Variants in ITK observed in about 807,000 individuals in gnomAD.
ITK encodes IL2 inducible T cell kinase, also known as tyrosine-protein kinase ITK/TSK.
ITK carries 45 observed loss-of-function variants against 87.6 expected under a neutral mutation model. That is an observed-to-expected ratio of 0.51 (90% CI 0.40 to 0.66). ITK has a LOEUF of 0.66. Among genes scored for constraint, ITK ranks in the 30% least tolerant of loss-of-function variants. ITK has a pLI of 0.00. For synonymous variants in ITK, 303 were observed against 273.6 expected (o/e 1.11, Z -1.06); for missense variants, 605 against 766.3 (o/e 0.79, Z 2.48).
At chr5:157,203,222 C>T (rs1346194087) in intron 1 of ITK, among the ~76,000 whole-genome samples, 1 of 152,222 alleles carries the variant, frequency 6.6e-6, no homozygotes, top group African/African-American at 2.4e-5. Flanking sequence ...GAGAGTCTAT[C>T]ATGTTCATCA....
intron 1 of ITK, among the ~76,000 whole-genome samples, chr5:157,186,985 C>A (rs1753658983): frequency 6.6e-6 from 1 of 152,336 alleles, no homozygotes; most frequent in African/African-American, 2.4e-5. Context: ...CGATGGACAC[C>A]AGCAGAATCT....
intron 7 of ITK, among the ~76,000 whole-genome samples, chr5:157,228,641 T>C (rs1754585593): frequency 6.8e-6 from 1 of 147,238 alleles, no homozygotes. Context: ...TTTTCTTCTT[T>C]AATTTTTTTT....
At chr5:157,221,411 A>G (rs747041523) in intron 5 of ITK, among the ~76,000 whole-genome samples, 13 of 152,210 alleles carry the variant, frequency 8.5e-5, no homozygotes, top group Non-Finnish European at 8.8e-5. Context: ...ATCTAGGCTC[A>G]GGATGTTCTT....
intron 1 of ITK, chr5:157,195,402 C>T (rs566200857): frequency 1.3e-5 from 2 of 152,306 alleles, no homozygotes; most frequent in Admixed American, 6.5e-5. Flanking sequence ...TTAATAGTCA[C>T]TTTTGTTTGG....
intron 6 of ITK, among the ~76,000 whole-genome samples, chr5:157,223,792 G>T (rs1054150651): frequency 6.6e-6 from 1 of 152,060 alleles, no homozygotes; most frequent in South Asian, 2.1e-4. Flanking sequence ...ACACTGCAAC[G>T]AACATCTTTG....
intron 12 of ITK, 104 bp downstream of exon 12, chr5:157,243,898 A>T (rs1052794493): frequency 2.5e-5 from 27 of 1,088,502 alleles, no homozygotes; most frequent in Non-Finnish European, 3.8e-5. Context: ...CCCTGCGCAA[A>T]CTCCCAGCAG....
chr5:157,202,800 A>T (rs534583587), intron 1 of ITK, among the ~76,000 whole-genome samples: 1 of 152,312 alleles, frequency 6.6e-6, no homozygotes, highest in South Asian at 2.1e-4. Flanking sequence ...GCATTTTTGA[A>T]TGTGCCTACT....
At chr5:157,252,227 T>C (rs143456403) in intron 16 of ITK, among the ~76,000 whole-genome samples, 6 of 152,350 alleles carry the variant, frequency 3.9e-5, no homozygotes, top group Middle Eastern at 6.8e-3. Context: ...TATACCCAGA[T>C]ATTTCATTTT....
At chr5:157,213,594 C>A (rs1444860686) in intron 3 of ITK, 1 of 453,632 alleles carries the variant, frequency 2.2e-6, no homozygotes, top group Non-Finnish European at 4.4e-6. Context: ...GTTGCCTAGG[C>A]TAATCTAGAA....
intron 8 of ITK, among the ~76,000 whole-genome samples, chr5:157,232,695 G>A (rs143298183): frequency 1.3e-5 from 2 of 152,356 alleles, no homozygotes; most frequent in East Asian, 3.9e-4. Flanking sequence ...GCAGTGGGTT[G>A]ACATGTTGGA....
intron 5 of ITK, among the ~76,000 whole-genome samples, chr5:157,221,637 A>T (rs1009861212): frequency 1.3e-5 from 2 of 152,192 alleles, no homozygotes; most frequent in African/African-American, 4.8e-5. Context: ...AGGTACTATC[A>T]TAATTTGAGG....
intron 1 of ITK, 43 bp downstream of exon 1, chr5:157,181,158 A>G: frequency 8.7e-6 from 14 of 1,606,622 alleles, no homozygotes; most frequent in Non-Finnish European, 1.2e-5. Context: ...ATAGCATTTT[A>G]TGTTTGGACT....
At chr5:157,215,642 A>T (rs1754283971) in intron 4 of ITK, among the ~76,000 whole-genome samples, 1 of 152,182 alleles carries the variant, frequency 6.6e-6, no homozygotes. Context: ...CTGTGAGTGA[A>T]AGCCCTTTCC....
intron 3 of ITK, chr5:157,213,814 G>C (rs535306544): frequency 5.6e-6 from 2 of 357,088 alleles, no homozygotes; most frequent in Non-Finnish European, 1.1e-5. Context: ...TAGGAGAGGT[G>C]GGGGGTGGTA....
At chr5:157,227,822 C>CTTTTT (rs34428784) in intron 6 of ITK, among the ~76,000 whole-genome samples, 5 of 84,832 alleles carry the variant, frequency 5.9e-5, no homozygotes, top group Non-Finnish European at 6.5e-5. Context: ...TTACCAATTC[C>CTTTTT]TTTTTTTTTT....
chr5:157,209,682 A>G (rs897417444), intron 2 of ITK, among the ~76,000 whole-genome samples: 4 of 152,262 alleles, frequency 2.6e-5, no homozygotes, highest in Admixed American at 1.3e-4. Context: ...CTGGGTATGA[A>G]TTGCTTGGAG....
intron 7 of ITK, among the ~76,000 whole-genome samples, chr5:157,231,543 C>T (rs146482152): frequency 6.6e-6 from 1 of 152,158 alleles, no homozygotes; most frequent in African/African-American, 2.4e-5. Context: ...TCTCAAGTAG[C>T]CAAACAAGTT....
intron 3 of ITK, chr5:157,213,720 G>C (rs565098315): frequency 2.9e-6 from 1 of 346,318 alleles, no homozygotes; most frequent in African/African-American, 2.1e-5. Flanking sequence ...TTCAGTAGCA[G>C]ACCCCCCTTT....
chr5:157,221,471 A>T (rs1754411269), intron 5 of ITK, among the ~76,000 whole-genome samples: 1 of 152,124 alleles, frequency 6.6e-6, no homozygotes, highest in African/African-American at 2.4e-5. Flanking sequence ...GTTTACCAGG[A>T]TATTCGAAAG....
Sources: allele counts gnomAD v4.1 joint callset (sites outside exome capture counted in the v4.1 genomes callset), GRCh38; gene constraint gnomAD v4.1.1; transcripts MANE v1.5; gene names NCBI Gene and HGNC (gene_info 2026-07-23, HGNC 2026-07-21).